The following SLC22A7 variants were observed in gnomAD, a reference collection of about 807,000 sequenced individuals.
The protein encoded by SLC22A7 is hOAT2.
SLC22A7 carries 48 observed loss-of-function variants against 62.2 expected under a neutral mutation model. The observed-to-expected ratio is 0.77, with a 90% CI of 0.61 to 0.98. The LOEUF (loss-of-function observed/expected upper bound fraction) is 0.98. Ranked by LOEUF, SLC22A7 falls within the 50% of genes least tolerant of loss-of-function variation. The pLI, the probability that SLC22A7 is intolerant of heterozygous loss-of-function variation, is 0.00. For synonymous variants in SLC22A7, 276 were observed against 314.8 expected (o/e 0.88, Z 1.30); for missense variants, 581 against 703.8 (o/e 0.83, Z 1.97).
rs1299072836 is a variant in SLC22A7 at position 43,298,695 on chromosome 6, T to A, written c.337T>A (p.Cys113Ser). 6.5e-7 allele frequency: 1 copy of A among 1,545,954 alleles called. No individual in the cohort carries two copies. Among genetic ancestry groups the A allele is most frequent in the South Asian group, 1.3e-5 (1 of 79,590 alleles). ...ELEDEPATVP[C>S]SQGWEYDHSE... ...GGAGGATGAACCTGCCACAGTGCCC[T>A]GCTCTCAGGGCTGGGAGTACGACCA... Residue 113 changes from cysteine to serine, a missense_variant, in exon 1 of 11, where the codon TGC (cysteine) becomes AGC (serine). Transcript: ENST00000372585.
Position 43,299,307 on chromosome 6 carries a change from T to C in SLC22A7, c.400-83T>C, listed in dbSNP as rs1477976569. The stretch of plus-strand genomic sequence containing the variant: ...AATGGCAGAGTTCGCCTCAGAAGGC[T>C]CCAGGGTCTGGAGAGGAGGAGCTGG... On this transcript the variant is annotated intron_variant, in intron 2 of 10. Coordinates refer to ENST00000372585, the MANE Select transcript of SLC22A7 (RefSeq NM_153320.2). The surrounding 1 kb of genome is among the most constrained non-coding windows in gnomAD (Gnocchi z 4.4). 1 of 1,606,568 alleles carries C rather than the reference T, an allele frequency of 6.2e-7. No homozygotes were observed. Among genetic ancestry groups the C allele is most frequent in the South Asian group, 1.1e-5 (1 of 90,160 alleles).
upstream of SLC22A7, among the ~76,000 whole-genome samples, chr6:43,297,666 A>G (rs1778590821): frequency 1.3e-5 from 2 of 152,194 alleles, no homozygotes. Flanking sequence ...TGGGACAGGC[A>G]GTTGGAACCA....
upstream of SLC22A7, chr6:43,295,734 A>G (rs1374078144): frequency 6.6e-6 from 1 of 152,144 alleles, no homozygotes; most frequent in Non-Finnish European, 1.5e-5. Flanking sequence ...TAGACTCAGC[A>G]TTTCATACCT....
rs944762610 is a variant in SLC22A7 at position 43,301,398 on chromosome 6, A to G, written c.951+140A>G. The G allele has an allele frequency of 3.1e-6, 4 of 1,299,368 alleles. No individual in the cohort carries two copies. The Admixed American group carries it at 6.2e-5, about 20-fold the overall frequency. The allele number at this position is 1,299,368 out of a possible 1,614,324, so 80.5% of individuals were successfully genotyped here. ...CACAGAGAGTTCCGAACTCTTTAGG[A>G]TGTCCTACCTGGCTCCAGTGGGCCA... is the stretch of plus-strand genomic sequence containing the variant. On this transcript the variant is annotated intron_variant, in intron 6 of 10. Transcript: ENST00000372585.
At position 43,304,932 on chromosome 6, in the gene SLC22A7, A is replaced by C; in HGVS notation, c.*207A>C. On this transcript the variant is annotated 3_prime_UTR_variant, in exon 11 of 11. Coordinates refer to ENST00000372585, the MANE Select transcript of SLC22A7 (RefSeq NM_153320.2). ...CCCAGAATGCAGTGGGCTGCTGGGC[A>C]CCCCTCTCACGGTTGGGGAGGATTC... 1 of 436,520 alleles carries C rather than the reference A, an allele frequency of 2.3e-6. No individual in the cohort carries two copies. Among genetic ancestry groups the C allele is most frequent in the South Asian group, 5.3e-5 (1 of 18,758 alleles). The allele number at this position is 436,520 out of a possible 1,614,324, so 27.0% of individuals were successfully genotyped here.
In SLC22A7 at chr6:43,304,816, G is replaced by A. The variant is rs543349421; in HGVS notation, c.*91G>A. 5.9e-5 allele frequency: 62 copies of A among 1,057,394 alleles called. No homozygotes were observed. In the Middle Eastern group the frequency reaches 6.5e-4, roughly 11 times the overall value. The allele number at this position is 1,057,394 out of a possible 1,614,324, so 65.5% of individuals were successfully genotyped here. ...CCCTGCAACTCAGGCTGGGAGTATC[G>A]AACCCTCTGCCTAGGGCCGGAGTTG... On this transcript the variant is annotated 3_prime_UTR_variant, in exon 11 of 11. Coordinates refer to ENST00000372585, the MANE Select transcript of SLC22A7 (RefSeq NM_153320.2).
Position 43,302,839 on chromosome 6 carries a change from G to A in SLC22A7, c.1385+76G>A, listed in dbSNP as rs70953687. 3.5e-4 allele frequency: 326 copies of A among 941,308 alleles called. 2 individuals carry two copies. The East Asian group carries it at 8.3e-3, about 24-fold the overall frequency. 58.3% of individuals were successfully genotyped at this position (941,308 alleles called of 1,614,324 possible). A position where few individuals can be genotyped will look rare whatever the true frequency, so the allele number is the denominator to read the frequency against. ...TCTTAACCAACACTTCTACATACAC[G>A]CACCACAACCTGGTCTCTCACTCAT... On this transcript the variant is annotated intron_variant, in intron 9 of 10. Transcript: ENST00000372585. This position sits in a 1 kb window ranked among gnomAD's most constrained non-coding sequence, Gnocchi z 5.0.
Position 43,299,499 on chromosome 6 carries a change from G to A in SLC22A7, c.503+6G>A. On this transcript the variant is annotated splice_donor_region_variant and intron_variant, in intron 3 of 10. Transcript: ENST00000372585. The surrounding 1 kb of genome is among the most constrained non-coding windows in gnomAD (Gnocchi z 4.4). ...TTTGGATATCTGTCCGACAGGTGGG[G>A]TGAGGCACTGGGCCAATAAGAAACT... The A allele has an allele frequency of 1.2e-6, 2 of 1,610,268 alleles. No homozygotes were observed. The highest frequency in any genetic ancestry group is 1.7e-6 in the Non-Finnish European group (2 of 1,177,618).
intron 5 of SLC22A7, among the ~76,000 whole-genome samples, chr6:43,300,556 G>A (rs1173720648): frequency 1.3e-5 from 2 of 152,158 alleles, no homozygotes; most frequent in African/African-American, 4.8e-5. Flanking sequence ...TGAGGGTAAG[G>A]ACAATTCAGT....
chr6:43,303,343 C>A, intron 9 of SLC22A7: 1 of 172,922 alleles, frequency 5.8e-6, no homozygotes, highest in Non-Finnish European at 1.2e-5. Context: ...GCCTGTAATC[C>A]TAGCTATTTG....
Position 43,301,253 on chromosome 6 carries a change from CAGG to C in SLC22A7, c.950_951+1del, listed in dbSNP as rs1374122421. 9 of 1,614,002 alleles carry C rather than the reference CAGG, an allele frequency of 5.6e-6. No individual in the cohort carries two copies. The East Asian group carries it at 1.6e-4, about 28-fold the overall frequency. On this transcript the variant is annotated inframe_deletion and splice_region_variant, in exon 6 of 11. Transcript: ENST00000372585. ...GCCAGTGTGTGAGGACAGCTTCAGC[CAGG>C]AGGTGAGGGTGAACGTGTGTGTGAG...
At position 43,299,495 on chromosome 6, in the gene SLC22A7, T is replaced by C; in HGVS notation, c.503+2T>C. On this transcript the variant is annotated splice_donor_variant, in intron 3 of 10. Coordinates refer to ENST00000372585, the MANE Select transcript of SLC22A7 (RefSeq NM_153320.2). LOFTEE classifies it high-confidence loss of function. This position sits in a 1 kb window ranked among gnomAD's most constrained non-coding sequence, Gnocchi z 4.4. Reference sequence around the variant, plus strand: ...GGCCTTTGGATATCTGTCCGACAGGTGGGGTGAGGCACTGGGCCAATAAGA... The same window carrying C: ...GGCCTTTGGATATCTGTCCGACAGGCGGGGTGAGGCACTGGGCCAATAAGA... 1 of 1,610,630 alleles carries C rather than the reference T, an allele frequency of 6.2e-7. No homozygotes were observed. Among genetic ancestry groups the C allele is most frequent in the South Asian group, 1.1e-5 (1 of 90,716 alleles).
Position 43,298,449 on chromosome 6 carries a change from C to G in SLC22A7, c.91C>G (p.Leu31Val). ...ACTGCTGGCCCTGCCCCGAGTGCTG[C>G]TACCACTGCACTTCCTCCTGCCCAT... is the stretch of plus-strand genomic sequence containing the variant. The part of the protein sequence containing the change: ...VALLALPRVL[L>V]PLHFLLPIFL... The change falls in exon 1 of 11, where the codon CTA becomes GTA. Residue 31 changes from leucine to valine, a missense_variant. By Grantham distance (32) the Leu-to-Val change is conservative (BLOSUM62 1). Transcript: ENST00000372585. 6.2e-7 allele frequency: 1 copy of G among 1,613,978 alleles called. No homozygotes were observed. The highest frequency in any genetic ancestry group is 1.1e-5 in the South Asian group (1 of 91,086).
In SLC22A7 at chr6:43,300,282, CAG is replaced by C. The variant is rs899268791; in HGVS notation, c.827+221_827+222del. On this transcript the variant is annotated intron_variant, in intron 5 of 10. Transcript: ENST00000372585. Reference sequence around the variant, plus strand: ...AAAGTGAGAAACAGAGAACAAGATACAGAGAGTCAGAGATAAAGACAGAGCCA... The same window carrying C: ...AAAGTGAGAAACAGAGAACAAGATACAGAGTCAGAGATAAAGACAGAGCCA... 20 of 602,086 alleles carry C rather than the reference CAG, an allele frequency of 3.3e-5. No homozygotes were observed. The Admixed American group carries it at 5.1e-4, about 15-fold the overall frequency. 37.3% of individuals were successfully genotyped at this position (602,086 alleles called of 1,614,324 possible).
In SLC22A7 at chr6:43,299,097, G is replaced by A; in HGVS notation, c.399G>A (p.Gln133=). The change falls in exon 2 of 11, where the codon CAG becomes CAA. Residue 133 remains glutamine (Q), a splice_region_variant and synonymous_variant. Coordinates refer to ENST00000372585, the MANE Select transcript of SLC22A7 (RefSeq NM_153320.2). The surrounding 1 kb of genome is among the most constrained non-coding windows in gnomAD (Gnocchi z 4.4). ...EFSSTIATES[Q]WDLVCEQKGL... ...TCTCCCTTCCTCTTTTCCAGTCCCA[G>A]GTCGGTATTTACATAATCCATCTGG... 6.2e-7 allele frequency: 1 copy of A among 1,607,648 alleles called. No individual in the cohort carries two copies. Among genetic ancestry groups the A allele is most frequent in the Non-Finnish European group, 8.5e-7 (1 of 1,176,104 alleles).
chr6:43,302,797 G>C lies in SLC22A7; in HGVS notation c.1385+34G>C. ...GCCTGCAACTGATCTGGGGGTATGG[G>C]GCTTGTTAGTCACGTGTCTTAACCA... On this transcript the variant is annotated intron_variant, in intron 9 of 10. Coordinates refer to ENST00000372585, the MANE Select transcript of SLC22A7 (RefSeq NM_153320.2). This position sits in a 1 kb window ranked among gnomAD's most constrained non-coding sequence, Gnocchi z 5.0. 1 of 1,407,226 alleles carries C rather than the reference G, an allele frequency of 7.1e-7. No individual in the cohort carries two copies. 87.2% of individuals were successfully genotyped at this position (1,407,226 alleles called of 1,614,324 possible).
Position 43,299,653 on chromosome 6 carries a change from T to C in SLC22A7, c.530T>C (p.Val177Ala). 6.2e-7 allele frequency: 1 copy of C among 1,614,180 alleles called. No individual in the cohort carries two copies. Among genetic ancestry groups the C allele is most frequent in the South Asian group, 1.1e-5 (1 of 91,078 alleles). ...TTTGGGCGGCGGCGTCTGCTGCTGG[T>C]AGCCTACGTGAGTACCCTGGTGCTG... is the stretch of plus-strand genomic sequence containing the variant. The part of the protein sequence containing the change: ...DRFGRRRLLL[V>A]AYVSTLVLGL... Residue 177 changes from valine (V) to alanine (A), a missense_variant, in exon 4 of 11, where the codon GTA (valine) becomes GCA (alanine). Physicochemically the swap from Val to Ala is moderately conservative, Grantham distance 64. Transcript: ENST00000372585. This position sits in a 1 kb window ranked among gnomAD's most constrained non-coding sequence, Gnocchi z 4.4.
upstream of SLC22A7, among the ~76,000 whole-genome samples, chr6:43,296,318 T>C (rs1310308686): frequency 6.6e-6 from 1 of 152,238 alleles, no homozygotes; most frequent in Non-Finnish European, 1.5e-5. Context: ...ATTCCCATTG[T>C]GAAAACTAAG....
In SLC22A7 at chr6:43,300,031, C is replaced by A; in HGVS notation, c.792C>A (p.Val264=). 1 of 1,614,108 alleles carries A rather than the reference C, an allele frequency of 6.2e-7. No individual in the cohort carries two copies. The highest frequency in any genetic ancestry group is 1.3e-5 in the African/African-American group (1 of 75,004). The change falls in exon 5 of 11, where the codon GTC becomes GTA. Residue 264 remains valine, a synonymous_variant. Transcript: ENST00000372585. ...IRDWRWLLLA[V]TLPCAPGILS... is the part of the protein sequence containing the mutation. ...ACTGGCGATGGCTTCTGCTAGCTGT[C>A]ACCCTGCCTTGTGCCCCAGGCATCC...
Sources: allele counts gnomAD v4.1 joint callset (sites outside exome capture counted in the v4.1 genomes callset), GRCh38; gene constraint gnomAD v4.1.1; non-coding constraint Gnocchi (gnomAD v3.1); transcripts MANE v1.5; gene names NCBI Gene and HGNC (gene_info 2026-07-23, HGNC 2026-07-21).